Variants in COX10 observed in about 807,000 individuals in gnomAD.
COX10 encodes the protein protoheme IX farnesyltransferase, mitochondrial.
A neutral mutation model predicts 37.3 loss-of-function variants in COX10; 27 were observed. That is an observed-to-expected ratio of 0.72 (90% CI 0.53 to 1.00). The LOEUF is 1.00. Among genes scored for constraint, COX10 ranks in the 50% least tolerant of loss-of-function variants. The pLI, the probability that COX10 is intolerant of heterozygous loss-of-function variation, is 0.00. For missense variants in COX10, 475 were observed against 563.2 expected (o/e 0.84, Z 1.59); for synonymous variants, 222 against 229.1 (o/e 0.97, Z 0.28).
chr17:14,164,935 G>A (rs1905244833), intron 5 of COX10, among the ~76,000 whole-genome samples: 1 of 152,058 alleles, frequency 6.6e-6, no homozygotes, highest in African/African-American at 2.4e-5. Context: ...ATGGGCTGAA[G>A]GTCAAATGGG....
At chr17:14,167,386 A>G (rs1479838346) in intron 5 of COX10, among the ~76,000 whole-genome samples, 2 of 152,234 alleles carry the variant, frequency 1.3e-5, no homozygotes, top group African/African-American at 4.8e-5. Context: ...TTGGTAGATA[A>G]AGCAGTGTCA....
chr17:14,202,949 G>A (rs1906590050), intron 6 of COX10, among the ~76,000 whole-genome samples: 1 of 152,110 alleles, frequency 6.6e-6, no homozygotes, highest in Non-Finnish European at 1.5e-5. Flanking sequence ...GTCACCTATG[G>A]AAAGGCCTTC....
rs56320518 is a variant in COX10, at chr17:14,163,236, A to AATTTATTTATTTATTT, written c.695+3311_695+3326dup. On this transcript the variant is annotated intron_variant, in intron 5 of 6. Coordinates refer to ENST00000261643, the MANE Select transcript of COX10 (RefSeq NM_001303.4). ...ATAGAAGCATGGCATAAGACAGGAAAATTTATTTATTTATTTATTTATTTA... is the reference window on the plus strand; with the variant it reads ...ATAGAAGCATGGCATAAGACAGGAAAATTTATTTATTTATTTATTTATTTATTTATTTATTTATTTA... Among the ~76,000 whole-genome samples the AATTTATTTATTTATTT allele has an allele frequency of 9.5e-3, 1,389 of 146,542 alleles. 17 individuals carry two copies. The highest frequency in any genetic ancestry group is 0.04 in the East Asian group (196 of 4,962).
intron 5 of COX10, among the ~76,000 whole-genome samples, chr17:14,180,947 G>A (rs968777904): frequency 2.6e-5 from 4 of 152,112 alleles, no homozygotes; most frequent in Non-Finnish European, 4.4e-5. Context: ...AAGATGAATA[G>A]TGCAAAGTCA....
At chr17:14,182,633 C>T (rs117200295) in intron 5 of COX10, among the ~76,000 whole-genome samples, 2,628 of 152,206 alleles carry the variant, frequency 0.017, 29 homozygotes, top group Middle Eastern at 0.027. Flanking sequence ...GTGGGATTTA[C>T]GCAGGAAATT....
intron 5 of COX10, chr17:14,177,209 T>A: frequency 2.8e-6 from 2 of 724,068 alleles, no homozygotes; most frequent in Admixed American, 1.9e-5. Context: ...TCCGTCACTG[T>A]TCTAGGGGCT....
rs1285937376 is a variant in COX10, at chr17:14,208,128, A to T, written c.*915A>T. 1 of 152,234 alleles carries T rather than the reference A, an allele frequency of 6.6e-6. No individual in the cohort carries two copies. The highest frequency in any genetic ancestry group is 1.5e-5 in the Non-Finnish European group (1 of 68,048). 9.4% of individuals were successfully genotyped at this position (152,234 alleles called of 1,614,324 possible). On this transcript the variant is annotated 3_prime_UTR_variant, in exon 7 of 7. Transcript: ENST00000261643. ...GTGTGCTGGGCTAACCAGCCCACAGAGCTCACATTCCTGTCCCTTGGGTGA... is the reference window on the plus strand; with the variant it reads ...GTGTGCTGGGCTAACCAGCCCACAGTGCTCACATTCCTGTCCCTTGGGTGA...
intron 5 of COX10, among the ~76,000 whole-genome samples, chr17:14,167,378 G>C (rs1374479064): frequency 6.6e-6 from 1 of 152,140 alleles, no homozygotes; most frequent in Non-Finnish European, 1.5e-5. Context: ...ATATTAACTT[G>C]GTAGATAAAG....
In COX10 at chr17:14,076,944, C is replaced by T. The variant is rs766457726; in HGVS notation, c.387C>T (p.Asp129=). The T allele has an allele frequency of 5.0e-6, 8 of 1,613,998 alleles. No homozygotes were observed. The African/African-American group carries it at 8.0e-5, about 16-fold the overall frequency. Reference sequence around the variant, plus strand: ...TAGAGCCAGACTCAGTAATTGAAGACTCAATAGATGTAGGGAAAGAGACAA... The same window carrying T: ...TAGAGCCAGACTCAGTAATTGAAGATTCAATAGATGTAGGGAAAGAGACAA... ...IELEPDSVIE[D]SIDVGKETKE... The change falls in exon 3 of 7, where the codon GAC becomes GAT. Residue 129 remains aspartate, a synonymous_variant. Transcript: ENST00000261643.
intron 3 of COX10, among the ~76,000 whole-genome samples, chr17:14,078,533 C>T (rs1474891714): frequency 6.6e-6 from 1 of 152,122 alleles, no homozygotes; most frequent in Non-Finnish European, 1.5e-5. Flanking sequence ...ATTTCTGTCA[C>T]CAGCAGAATC....
chr17:14,086,705 T>C (rs1234891082), intron 3 of COX10, among the ~76,000 whole-genome samples: 3 of 152,210 alleles, frequency 2.0e-5, no homozygotes, highest in Non-Finnish European at 4.4e-5. Context: ...ATGTTTATGC[T>C]AATTATTTCA....
rs527688251 is a variant in COX10, at chr17:14,155,405, A to G, written c.625-4472A>G. Among the ~76,000 whole-genome samples the G allele has an allele frequency of 6.6e-5, 10 of 151,380 alleles. No individual in the cohort carries two copies. In the South Asian group the frequency reaches 2.1e-3, roughly 32 times the overall value. The stretch of plus-strand genomic sequence containing the variant: ...AGGAGAAAGATGGGGCTGCACACGT[A>G]GTGGTTTTATTGAAAGATAGGAGAG... On this transcript the variant is annotated intron_variant, in intron 4 of 6. Transcript: ENST00000261643.
chr17:14,089,118 G>C (rs1915473483), intron 3 of COX10, among the ~76,000 whole-genome samples: 2 of 152,144 alleles, frequency 1.3e-5, no homozygotes, highest in South Asian at 4.1e-4. Context: ...AACTCTGCCA[G>C]TAGCCAACTT....
At chr17:14,085,023 T>A (rs1186548200) in intron 3 of COX10, among the ~76,000 whole-genome samples, 2 of 152,206 alleles carry the variant, frequency 1.3e-5, no homozygotes, top group Non-Finnish European at 2.9e-5. Flanking sequence ...TGTTTTAATG[T>A]TAGCAGTACA....
chr17:14,128,726 G>A (rs145728374), intron 4 of COX10, among the ~76,000 whole-genome samples: 164 of 152,320 alleles, frequency 1.1e-3, no homozygotes, highest in African/African-American at 3.8e-3. Flanking sequence ...ATTATGGATG[G>A]ATTTATGATT....
At chr17:14,075,979 G>A (rs1425265573) in intron 2 of COX10, among the ~76,000 whole-genome samples, 4 of 120,320 alleles carry the variant, frequency 3.3e-5, no homozygotes, top group African/African-American at 1.0e-4. Flanking sequence ...GCAACAGAGC[G>A]AGGCTCCATC....
chr17:14,109,235 T>C (rs1333366431), intron 4 of COX10, among the ~76,000 whole-genome samples: 2 of 152,242 alleles, frequency 1.3e-5, no homozygotes, highest in East Asian at 3.9e-4. Flanking sequence ...ATGGTTTTTA[T>C]ATATAAGGAA....
intron 4 of COX10, among the ~76,000 whole-genome samples, chr17:14,113,090 C>G (rs574920889): frequency 1.6e-4 from 24 of 152,258 alleles, no homozygotes; most frequent in African/African-American, 5.3e-4. Flanking sequence ...CATCTCCTTT[C>G]GCTGTCCACG....
chr17:14,204,156 A>G (rs1233321514), intron 6 of COX10, among the ~76,000 whole-genome samples: 1 of 152,154 alleles, frequency 6.6e-6, no homozygotes, highest in Non-Finnish European at 1.5e-5. Context: ...GGGAAAGTGA[A>G]CATACCCTAA....
Sources: allele counts gnomAD v4.1 joint callset (sites outside exome capture counted in the v4.1 genomes callset), GRCh38; gene constraint gnomAD v4.1.1; transcripts MANE v1.5; gene names NCBI Gene and HGNC (gene_info 2026-07-23, HGNC 2026-07-21).